PTH2R: variants seen among roughly 807,000 people sequenced by gnomAD.
The protein encoded by PTH2R is PTH2 receptor.
PTH2R carries 59 observed loss-of-function variants against 60.3 expected under a neutral mutation model. The observed-to-expected ratio is 0.98, with a 90% CI of 0.79 to 1.22. The LOEUF is 1.22. Ranked by LOEUF, PTH2R falls within the 50% of genes most tolerant of loss-of-function variation. The probability of loss-of-function intolerance (pLI) is 0.00; values close to 1 mark genes in which losing one functional copy is unlikely to be tolerated. For synonymous variants in PTH2R, 256 were observed against 243.8 expected (o/e 1.05, Z -0.47); for missense variants, 749 against 682.6 (o/e 1.10, Z -1.08).
Position 208,437,610 on chromosome 2 carries a change from TC to T in PTH2R, c.254del (p.Pro85HisfsTer31). On this transcript the variant is annotated frameshift_variant, in exon 3 of 13. Coordinates refer to ENST00000272847, the MANE Select transcript of PTH2R (RefSeq NM_005048.4). LOFTEE classifies it high-confidence loss of function. Reference sequence around the variant, plus strand: ...GAACAGTGGGGAAAATATCGGCTGTTCCATGCCCTCCTTATATTTATGACTT... The same window carrying T: ...GAACAGTGGGGAAAATATCGGCTGTTCATGCCCTCCTTATATTTATGACTT... Reference protein sequence around the residue: ...RGTVGKISAVPCPPYIYDFNH... With the variant: ...RGTVGKISAVXCPPYIYDFNH... The T allele has an allele frequency of 6.2e-7, 1 of 1,613,862 alleles. No homozygotes were observed. The highest frequency in any genetic ancestry group is 8.5e-7 in the Non-Finnish European group (1 of 1,179,874).
At chr2:208,404,158 G>A (rs1460099509), upstream of PTH2R, among the ~76,000 whole-genome samples, 2 of 152,194 alleles carry the variant, frequency 1.3e-5, no homozygotes, top group African/African-American at 4.8e-5. Context: ...AGGAGGACAA[G>A]CTTGAGTTGG....
At chr2:208,452,473 A>C (rs961493315) in intron 8 of PTH2R, among the ~76,000 whole-genome samples, 15 of 152,174 alleles carry the variant, frequency 9.9e-5, no homozygotes, top group African/African-American at 3.1e-4. Flanking sequence ...TCATCCTTCC[A>C]TTAATCCTAG....
rs757304494 is a variant in PTH2R, at chr2:208,489,040, G to A, written c.1105G>A (p.Val369Ile). Reference sequence around the variant, plus strand: ...ACTGGCCAAATCGACACTGGTCCTGGTCCTAGTCTTTGGAGTGCATTACAT... The same window carrying A: ...ACTGGCCAAATCGACACTGGTCCTGATCCTAGTCTTTGGAGTGCATTACAT... ...RKLAKSTLVLVLVFGVHYIVF... is the reference protein window; with the variant it reads ...RKLAKSTLVLILVFGVHYIVF... Residue 369 changes from valine to isoleucine, a missense_variant, in exon 11 of 13, where the codon GTC (valine) becomes ATC (isoleucine). Physicochemically the swap from Val to Ile is conservative, Grantham distance 29. Transcript: ENST00000272847. The A allele has an allele frequency of 6.2e-7, 1 of 1,613,998 alleles. No individual in the cohort carries two copies. The highest frequency in any genetic ancestry group is 8.5e-7 in the Non-Finnish European group (1 of 1,180,000).
chr2:208,476,220 C>G (rs1055289299), intron 9 of PTH2R, among the ~76,000 whole-genome samples: 1 of 151,952 alleles, frequency 6.6e-6, no homozygotes, highest in Non-Finnish European at 1.5e-5. Context: ...TCATTTTCTC[C>G]CAGTTGCAGG....
chr2:208,394,190 G>T (rs1332377787), intron 1 of PTH2R, among the ~76,000 whole-genome samples: 1 of 152,214 alleles, frequency 6.6e-6, no homozygotes, highest in African/African-American at 2.4e-5. Flanking sequence ...CTCCCCACTA[G>T]CAGGCCAGGT....
intron 1 of PTH2R, among the ~76,000 whole-genome samples, chr2:208,371,354 T>A (rs1700697452): frequency 6.6e-6 from 1 of 152,148 alleles, no homozygotes; most frequent in Admixed American, 6.5e-5. Flanking sequence ...AGGTGACAGA[T>A]GTTTACAAAC....
intron 7 of PTH2R, among the ~76,000 whole-genome samples, chr2:208,447,251 T>C (rs761190329): frequency 1.1e-4 from 17 of 151,976 alleles, no homozygotes; most frequent in Non-Finnish European, 2.5e-4. Flanking sequence ...GGATTACAGA[T>C]GTGAGCGACC....
At chr2:208,440,882 T>A (rs1446704105) in intron 4 of PTH2R, among the ~76,000 whole-genome samples, 1 of 152,132 alleles carries the variant, frequency 6.6e-6, no homozygotes, top group Non-Finnish European at 1.5e-5. Context: ...TTCCTTGAGA[T>A]GTGCACAGGG....
chr2:208,360,261 C>G (rs1336989176), intron 1 of PTH2R: 2 of 425,388 alleles, frequency 4.7e-6, no homozygotes, highest in East Asian at 7.2e-5. Flanking sequence ...CCCACTTGTT[C>G]TCCCGCCTTC....
intron 1 of PTH2R, among the ~76,000 whole-genome samples, chr2:208,416,703 G>A (rs4599045): frequency 6.6e-6 from 1 of 152,042 alleles, no homozygotes; most frequent in African/African-American, 2.4e-5. Flanking sequence ...GGCTGGGAAA[G>A]GCAGACCCAC....
chr2:208,429,400 G>T (rs1354703029), intron 2 of PTH2R, among the ~76,000 whole-genome samples: 2 of 152,014 alleles, frequency 1.3e-5, no homozygotes, highest in East Asian at 3.9e-4. Context: ...AATATGTTAG[G>T]AGGTTATTTA....
At chr2:208,436,920 C>T (rs73064585) in intron 2 of PTH2R, among the ~76,000 whole-genome samples, 1 of 152,300 alleles carries the variant, frequency 6.6e-6, no homozygotes, top group African/African-American at 2.4e-5. Flanking sequence ...TCAGGAGCGC[C>T]AGTCATAGAC....
At chr2:208,446,506 T>C (rs1702290857) in intron 7 of PTH2R, among the ~76,000 whole-genome samples, 1 of 152,230 alleles carries the variant, frequency 6.6e-6, no homozygotes, top group South Asian at 2.1e-4. Flanking sequence ...TCATGGAAAC[T>C]GTCTGTGAAC....
Position 208,443,388 on chromosome 2 carries a change from T to C in PTH2R, c.550T>C (p.Phe184Leu). 2.5e-6 allele frequency: 4 copies of C among 1,610,184 alleles called. No individual in the cohort carries two copies. The highest frequency in any genetic ancestry group is 2.2e-5 in the East Asian group (1 of 44,658). Reference sequence around the variant, plus strand: ...TAGGAACTATATCCACATGCACTTATTTGTGTCTTTCATGCTGAGAGCTAC... The same window carrying C: ...TAGGAACTATATCCACATGCACTTACTTGTGTCTTTCATGCTGAGAGCTAC... ...CTRNYIHMHL[F>L]VSFMLRATSI... Residue 184 changes from phenylalanine (F) to leucine (L), a missense_variant, in exon 6 of 13, where the codon TTT becomes CTT. Transcript: ENST00000272847.
At chr2:208,489,562 T>G (rs879436872) in intron 11 of PTH2R, among the ~76,000 whole-genome samples, 1 of 152,148 alleles carries the variant, frequency 6.6e-6, no homozygotes, top group Non-Finnish European at 1.5e-5. Flanking sequence ...GGCACACATT[T>G]TATCTCATTT....
intron 10 of PTH2R, among the ~76,000 whole-genome samples, chr2:208,487,567 C>T (rs1345262422): frequency 6.6e-6 from 1 of 152,210 alleles, no homozygotes; most frequent in Non-Finnish European, 1.5e-5. Flanking sequence ...TGCTAGCTAT[C>T]TATTGCTGCA....
At chr2:208,449,320 T>G (rs1339499607) in intron 7 of PTH2R, among the ~76,000 whole-genome samples, 1 of 152,216 alleles carries the variant, frequency 6.6e-6, no homozygotes, top group African/African-American at 2.4e-5. Context: ...TAATTTTGAC[T>G]GCTTCACCAG....
chr2:208,374,486 G>T (rs1412488584), intron 1 of PTH2R, among the ~76,000 whole-genome samples: 1 of 151,992 alleles, frequency 6.6e-6, no homozygotes, highest in African/African-American at 2.4e-5. Flanking sequence ...ATCGATTACT[G>T]TTTAGAATTC....
At chr2:208,464,945 T>A (rs1442691115) in intron 9 of PTH2R, among the ~76,000 whole-genome samples, 1 of 152,200 alleles carries the variant, frequency 6.6e-6, no homozygotes, top group Non-Finnish European at 1.5e-5. Flanking sequence ...CTTTTGTCTT[T>A]TTGAACTACC....
Sources: allele counts gnomAD v4.1 joint callset (sites outside exome capture counted in the v4.1 genomes callset), GRCh38; gene constraint gnomAD v4.1.1; transcripts MANE v1.5; gene names NCBI Gene and HGNC (gene_info 2026-07-23, HGNC 2026-07-21).